The following MYO16 variants were observed in gnomAD, a reference collection of about 807,000 sequenced individuals.
MYO16 encodes myosin XVI, also known as unconventional myosin-XVI.
MYO16 carries 94 observed loss-of-function variants against 205.3 expected under a neutral mutation model. The ratio of observed to expected loss-of-function variants is 0.46; its 90% CI spans 0.39 to 0.54. The LOEUF (loss-of-function observed/expected upper bound fraction) is 0.54. Ranked by LOEUF, MYO16 falls within the 20% of genes least tolerant of loss-of-function variation. MYO16 has a pLI of 0.00. For missense variants in MYO16, 2,315 were observed against 2,387.5 expected (o/e 0.97, Z 0.63); for synonymous variants, 988 against 954.0 (o/e 1.04, Z -0.66).
At chr13:108,539,614 G>A in the MYO16 span, among the ~76,000 whole-genome samples, 32,107 of 151,988 alleles carry the variant, frequency 0.21, 3,824 homozygotes, top group East Asian at 0.46. Flanking sequence ...GATATTTCTC[G>A]CATTGAAAAA....
At chr13:108,900,244 G>A (rs1477369009) in intron 15 of MYO16, among the ~76,000 whole-genome samples, 1 of 152,118 alleles carries the variant, frequency 6.6e-6, no homozygotes, top group African/African-American at 2.4e-5. Flanking sequence ...AAACTTTGTT[G>A]TAAACACTGA....
At chr13:108,830,616 G>A (rs1472057639) in intron 9 of MYO16, among the ~76,000 whole-genome samples, 2 of 130,052 alleles carry the variant, frequency 1.5e-5, no homozygotes, top group African/African-American at 2.9e-5. Flanking sequence ...GTTGTGGGGT[G>A]GGGGGAGGGG....
In MYO16 at chr13:109,125,465, T is replaced by C. The variant is rs1594106387; in HGVS notation, c.3782+107T>C. 6.9e-7 allele frequency: 1 copy of C among 1,443,138 alleles called. No individual in the cohort carries two copies. Among genetic ancestry groups the C allele is most frequent in the East Asian group, 2.4e-5 (1 of 41,934 alleles). The allele number at this position is 1,443,138 out of a possible 1,614,324, so 89.4% of individuals were successfully genotyped here. On this transcript the variant is annotated intron_variant, in intron 30 of 34. Coordinates refer to ENST00000457511, the MANE Select transcript of MYO16 (RefSeq NM_001198950.3). The surrounding 1 kb of genome is among the most constrained non-coding windows in gnomAD (Gnocchi z 4.0). ...AGAGTTCAATCAAATATGACAGGAGTTGCAGGAACAGGCATGCGTGGTTTG... is the reference window on the plus strand; with the variant it reads ...AGAGTTCAATCAAATATGACAGGAGCTGCAGGAACAGGCATGCGTGGTTTG...
At position 109,042,296 on chromosome 13, in the gene MYO16, G is replaced by T. The variant is rs1200929999; in HGVS notation, c.2797-4620G>T. On this transcript the variant is annotated intron_variant, in intron 23 of 34. Coordinates refer to ENST00000457511, the MANE Select transcript of MYO16 (RefSeq NM_001198950.3). ...AAGAAAAGTATTTGTGCATGCTTGT[G>T]TGTGCATGTTTATGTTGTGTATTTA... Among the ~76,000 whole-genome samples the T allele has an allele frequency of 2.6e-5, 4 of 152,200 alleles. No homozygotes were observed. In the East Asian group the frequency reaches 7.7e-4, roughly 29 times the overall value.
intron 27 of MYO16, among the ~76,000 whole-genome samples, chr13:109,074,809 G>A (rs1374839654): frequency 2.6e-5 from 4 of 152,142 alleles, no homozygotes; most frequent in Non-Finnish European, 5.9e-5. Context: ...AGAACAGCAC[G>A]GGGGAACCAC....
intron 9 of MYO16, among the ~76,000 whole-genome samples, chr13:108,836,569 C>A (rs1876929129): frequency 6.6e-6 from 1 of 152,138 alleles, no homozygotes; most frequent in South Asian, 2.1e-4. Flanking sequence ...AGCTGCAGAC[C>A]CTCAATGCCA....
At chr13:108,662,557 A>G (rs1039754248) in intron 1 of MYO16, among the ~76,000 whole-genome samples, 2 of 151,914 alleles carry the variant, frequency 1.3e-5, no homozygotes, top group Admixed American at 6.6e-5. Flanking sequence ...GTTGTCAGGG[A>G]ACTGGGGGAA....
At chr13:108,951,836 C>T (rs143344251) in intron 16 of MYO16, among the ~76,000 whole-genome samples, 3 of 152,248 alleles carry the variant, frequency 2.0e-5, no homozygotes, top group East Asian at 1.9e-4. Flanking sequence ...GGCGTGGTGG[C>T]GCATGCCTGT....
At chr13:108,869,728 T>A (rs1267371575) in intron 12 of MYO16, among the ~76,000 whole-genome samples, 1 of 63,134 alleles carries the variant, frequency 1.6e-5, no homozygotes, top group Non-Finnish European at 3.1e-5. Flanking sequence ...GAGACTCCGT[T>A]TCTAAAAAAA....
In MYO16 at chr13:108,886,419, C is replaced by T. The variant is rs147300581; in HGVS notation, c.1554-1953C>T. 404 of 456,198 alleles carry T rather than the reference C, an allele frequency of 8.9e-4. 2 individuals are homozygous for T. Among genetic ancestry groups the T allele is most frequent in the African/African-American group, 6.3e-3 (317 of 50,174 alleles). The allele number at this position is 456,198 out of a possible 1,614,324, so 28.3% of individuals were successfully genotyped here. On this transcript the variant is annotated intron_variant, in intron 13 of 34. Coordinates refer to ENST00000457511, the MANE Select transcript of MYO16 (RefSeq NM_001198950.3). ...TCCTTAGCTCGGCTACGTCCAGGTTCTTGCCTCACGACCTGGAAAAATGAG... is the reference window on the plus strand; with the variant it reads ...TCCTTAGCTCGGCTACGTCCAGGTTTTTGCCTCACGACCTGGAAAAATGAG...
At chr13:108,681,898 T>C (rs1882478821) in intron 2 of MYO16, among the ~76,000 whole-genome samples, 1 of 152,156 alleles carries the variant, frequency 6.6e-6, no homozygotes. Flanking sequence ...ACTTTCCATT[T>C]CTCTATGTTA....
At chr13:108,587,695 C>T in the MYO16 span, among the ~76,000 whole-genome samples, 52 of 152,222 alleles carry the variant, frequency 3.4e-4, 1 homozygote, top group African/African-American at 1.2e-3. Context: ...CACCACACAA[C>T]ATTATACATA....
At chr13:109,179,194 AGTG>A (rs1879348384) in intron 33 of MYO16, among the ~76,000 whole-genome samples, 1 of 152,152 alleles carries the variant, frequency 6.6e-6, no homozygotes. Context: ...CTAGTGACTC[AGTG>A]GGCCCGTCAC....
At chr13:109,126,347 T>TG (rs1876249866) in intron 30 of MYO16, among the ~76,000 whole-genome samples, 1 of 152,230 alleles carries the variant, frequency 6.6e-6, no homozygotes, top group African/African-American at 2.4e-5. Context: ...CGGCTGGCTC[T>TG]GCCTTGTGGT....
At chr13:109,012,039 A>C (rs1566460025) in intron 22 of MYO16, among the ~76,000 whole-genome samples, 1 of 152,166 alleles carries the variant, frequency 6.6e-6, no homozygotes, top group Non-Finnish European at 1.5e-5. Context: ...TACACATTTA[A>C]AAGCACAGTG....
chr13:108,510,475 T>TG, the MYO16 span, among the ~76,000 whole-genome samples: 2 of 132,422 alleles, frequency 1.5e-5, no homozygotes, highest in African/African-American at 2.9e-5. Context: ...TTTTTTTTTT[T>TG]TTTTTTTTTT....
chr13:109,116,098 T>C (rs1364712697), intron 28 of MYO16, among the ~76,000 whole-genome samples: 2 of 152,214 alleles, frequency 1.3e-5, no homozygotes, highest in Admixed American at 1.3e-4. Context: ...AATGGTCCAT[T>C]GGATACCCAT....
At chr13:109,006,770 G>A (rs903100932) in intron 21 of MYO16, among the ~76,000 whole-genome samples, 3 of 152,172 alleles carry the variant, frequency 2.0e-5, no homozygotes, top group Non-Finnish European at 4.4e-5. Flanking sequence ...ATAACATAGT[G>A]GTTTAGGGTG....
the MYO16 span, among the ~76,000 whole-genome samples, chr13:108,589,624 AGTCTT>A: frequency 5.3e-5 from 8 of 152,104 alleles, no homozygotes; most frequent in African/African-American, 1.9e-4. Context: ...CCTTTTCGAA[AGTCTT>A]GTTTAGGGCT....
Sources: gnomAD v4.1 joint callset for allele counts (sites outside exome capture counted in the v4.1 genomes callset) on GRCh38, gnomAD v4.1.1 for gene constraint, Gnocchi (gnomAD v3.1) non-coding constraint, MANE v1.5 for transcripts, NCBI Gene and HGNC (gene_info 2026-07-23, HGNC 2026-07-21) for gene names.